PLS3: variants seen among roughly 807,000 people sequenced by gnomAD.
The protein encoded by PLS3 is plastin 3, also known as plastin-3.
In PLS3, 11 loss-of-function variants were observed where a neutral mutation model predicts 46.5. That is an observed-to-expected ratio of 0.24 (90% CI 0.15 to 0.39). The LOEUF (loss-of-function observed/expected upper bound fraction) is 0.39, where lower values mean the gene tolerates loss of function less well. Ranked by LOEUF, PLS3 falls within the 10% of genes least tolerant of loss-of-function variation. The pLI is 1.00. For synonymous variants in PLS3, 167 were observed against 162.2 expected (o/e 1.03, Z -0.22); for missense variants, 308 against 461.8 (o/e 0.67, Z 3.05).
At chrX:115,598,305 A>G (rs2074409213) in intron 1 of PLS3, among the ~76,000 whole-genome samples, 1 of 109,500 alleles carries the variant, frequency 9.1e-6, no homozygotes, top group Admixed American at 9.9e-5. Flanking sequence ...AAAAAAAAAA[A>G]AAAGAAGAAG....
intron 10 of PLS3, among the ~76,000 whole-genome samples, chrX:115,644,223 A>AT (rs2074927778): frequency 9.0e-6 from 1 of 110,922 alleles, no homozygotes; most frequent in Non-Finnish European, 1.9e-5. Flanking sequence ...ATGATAATAT[A>AT]TACTAATTTT....
intron 3 of PLS3, among the ~76,000 whole-genome samples, chrX:115,627,308 T>G (rs1375802086): frequency 8.9e-6 from 1 of 112,569 alleles, no homozygotes; most frequent in Non-Finnish European, 1.9e-5. Context: ...TAAATGATTC[T>G]TGAAGCAGAA....
intron 3 of PLS3, among the ~76,000 whole-genome samples, chrX:115,626,325 C>G (rs1556638477): frequency 9.3e-6 from 1 of 107,069 alleles, no homozygotes; most frequent in Non-Finnish European, 1.9e-5. Flanking sequence ...ACTCTTGTTG[C>G]CTAGGCTAGA....
At chrX:115,577,790 C>T (rs998746581) in intron 1 of PLS3, among the ~76,000 whole-genome samples, 2 of 111,435 alleles carry the variant, frequency 1.8e-5, no homozygotes, top group East Asian at 2.8e-4. Context: ...CTCCTGATTT[C>T]TTCTAAACTG....
intron 1 of PLS3, among the ~76,000 whole-genome samples, chrX:115,563,923 A>G (rs2074155821): frequency 8.9e-6 from 1 of 112,252 alleles, no homozygotes; most frequent in African/African-American, 3.2e-5. Context: ...CCTCAAAAAA[A>G]GGAAGTTATT....
At chrX:115,581,005 G>A (rs1340043281) in intron 1 of PLS3, among the ~76,000 whole-genome samples, 1 of 111,204 alleles carries the variant, frequency 9.0e-6, no homozygotes, top group Admixed American at 9.6e-5. Context: ...CAAAGTCCTG[G>A]TATTACAGGC....
intron 9 of PLS3, among the ~76,000 whole-genome samples, chrX:115,642,283 T>G (rs2074906479): frequency 9.0e-6 from 1 of 111,202 alleles, no homozygotes; most frequent in Non-Finnish European, 1.9e-5. Context: ...TCGTCCTAAC[T>G]TTTTTAATCC....
In PLS3 at chrX:115,645,099, C is replaced by T. The variant is rs370999829; in HGVS notation, c.1262C>T (p.Ala421Val). 9.0e-6 allele frequency: 10 copies of T among 1,107,123 alleles called. No homozygotes were observed. The highest frequency in any genetic ancestry group is 5.6e-5 in the South Asian group (3 of 53,449). 91.2% of individuals were successfully genotyped at this position (1,107,123 alleles called of 1,213,427 possible). ...AATCCTCACGTAAACCATCTCTATGCGTAAGCCTTCCTACTGCTATTGTAA... is the reference window on the plus strand; with the variant it reads ...AATCCTCACGTAAACCATCTCTATGTGTAAGCCTTCCTACTGCTATTGTAA... ...GVNPHVNHLY[A>V]DLQDALVILQ... Residue 421 changes from alanine (A) to valine (V), a missense_variant and splice_region_variant, in exon 11 of 16, where the codon GCT (alanine) becomes GTT (valine). By Grantham distance (64) the Ala-to-Val change is moderately conservative. Coordinates refer to ENST00000355899, the MANE Select transcript of PLS3 (RefSeq NM_005032.7).
At chrX:115,622,615 G>A (rs1556637813) in intron 3 of PLS3, among the ~76,000 whole-genome samples, 1 of 111,609 alleles carries the variant, frequency 9.0e-6, no homozygotes, top group African/African-American at 3.3e-5. Context: ...GAGCACTGCA[G>A]AAACAAAGAT....
intron 3 of PLS3, among the ~76,000 whole-genome samples, chrX:115,623,803 A>G (rs782751928): frequency 9.4e-4 from 106 of 112,331 alleles, no homozygotes; most frequent in African/African-American, 3.3e-3. Context: ...GTGGCTCACC[A>G]TAGCAAGTGA....
chrX:115,646,452 C>T lies in PLS3; in HGVS notation c.1428C>T (p.Phe476=), dbSNP rs1190696399. The change falls in exon 13 of 16, where the codon TTC becomes TTT. Residue 476 remains phenylalanine, a synonymous_variant. Coordinates refer to ENST00000355899, the MANE Select transcript of PLS3 (RefSeq NM_005032.7). ...AATTAGGGAAGCATCCTGCTAAATT[C>T]TCCCTGGTTGGCATTGGAGGGCAAG... ...AVELGKHPAK[F]SLVGIGGQDL... is the part of the protein sequence containing the mutation. 1 of 1,209,664 alleles carries T rather than the reference C, an allele frequency of 8.3e-7. No homozygotes were observed. Among genetic ancestry groups the T allele is most frequent in the Non-Finnish European group, 1.1e-6 (1 of 893,526 alleles).
chrX:115,599,336 C>CA (rs1226830291), intron 1 of PLS3, among the ~76,000 whole-genome samples: 959 of 32,387 alleles, frequency 0.03, 12 homozygotes, highest in Non-Finnish European at 0.046. Context: ...CCTGTCTCTA[C>CA]AAAAAAAAAA....
chrX:115,640,976 T>C (rs2074888983), intron 9 of PLS3, among the ~76,000 whole-genome samples: 1 of 111,307 alleles, frequency 9.0e-6, no homozygotes, highest in East Asian at 2.8e-4. Flanking sequence ...AGAGACCATG[T>C]TCCCTGGTTA....
At chrX:115,610,825 A>C in intron 2 of PLS3, 1 of 1,065,529 alleles carries the variant, frequency 9.4e-7, no homozygotes, top group Non-Finnish European at 1.2e-6. Context: ...CGCCACGTTA[A>C]ATTATAGCTT....
At chrX:115,634,775 A>C in intron 6 of PLS3, 106 bp from the exon 7 acceptor site, 12 of 700,976 alleles carry the variant, frequency 1.7e-5, no homozygotes, top group South Asian at 3.1e-5. Context: ...AAATTAATAC[A>C]GGGTATTAAT....
chrX:115,568,863 G>A (rs1445132129), intron 1 of PLS3, among the ~76,000 whole-genome samples: 1 of 111,176 alleles, frequency 9.0e-6, no homozygotes, highest in Non-Finnish European at 1.9e-5. Flanking sequence ...GCAAAACTCC[G>A]TCTCTACTAA....
At chrX:115,641,427 A>G (rs1226070286) in intron 9 of PLS3, among the ~76,000 whole-genome samples, 3 of 109,244 alleles carry the variant, frequency 2.7e-5, no homozygotes, top group African/African-American at 1.0e-4. Flanking sequence ...GGGTTTCACC[A>G]TGTTGGCCAG....
intron 2 of PLS3, among the ~76,000 whole-genome samples, chrX:115,617,360 G>A (rs1351621232): frequency 1.8e-5 from 2 of 111,366 alleles, no homozygotes; most frequent in African/African-American, 6.5e-5. Context: ...TAGAACAAAG[G>A]GAATGAGATT....
At chrX:115,647,184 C>A (rs1556641822) in intron 13 of PLS3, among the ~76,000 whole-genome samples, 7 of 111,324 alleles carry the variant, frequency 6.3e-5, no homozygotes. Context: ...CCTGTAATAC[C>A]AGCACTTTGG....
Sources: gnomAD v4.1 joint callset for allele counts (sites outside exome capture counted in the v4.1 genomes callset) on GRCh38, gnomAD v4.1.1 for gene constraint, MANE v1.5 for transcripts, NCBI Gene and HGNC (gene_info 2026-07-23, HGNC 2026-07-21) for gene names.